TEC: variants seen among roughly 807,000 people sequenced by gnomAD.
TEC encodes the protein tec protein tyrosine kinase.
A neutral mutation model predicts 93.0 loss-of-function variants in TEC; 72 were observed. The observed-to-expected ratio is 0.77, with a 90% CI of 0.64 to 0.94. The LOEUF (loss-of-function observed/expected upper bound fraction) is 0.94, where lower values mean the gene tolerates loss of function less well. Among genes scored for constraint, TEC ranks in the 40% least tolerant of loss-of-function variants. The probability of loss-of-function intolerance (pLI) is 0.00; values close to 1 mark genes in which losing one functional copy is unlikely to be tolerated. For missense variants in TEC, 630 were observed against 757.9 expected (o/e 0.83, Z 1.98); for synonymous variants, 249 against 247.7 (o/e 1.01, Z -0.05).
intron 10 of TEC, among the ~76,000 whole-genome samples, chr4:48,150,131 T>C (rs1261778722): frequency 1.3e-5 from 2 of 152,206 alleles, no homozygotes; most frequent in African/African-American, 4.8e-5. Flanking sequence ...AAAAATACTT[T>C]CAAGATGACT....
At chr4:48,224,090 A>T (rs1723358071) in intron 2 of TEC, among the ~76,000 whole-genome samples, 1 of 152,276 alleles carries the variant, frequency 6.6e-6, no homozygotes, top group Non-Finnish European at 1.5e-5. Context: ...AGTATGACTC[A>T]ATGCTGAGTC....
rs116594180 is a variant in TEC at position 48,240,022 on chromosome 4, T to C, written c.-45-11363A>G. Among the ~76,000 whole-genome samples, 469 of 151,832 alleles carry C rather than the reference T, an allele frequency of 3.1e-3. 4 individuals carry two copies. Among genetic ancestry groups the C allele is most frequent in the African/African-American group, 0.011 (452 of 41,290 alleles). On this transcript the variant is annotated intron_variant, in intron 1 of 17. Transcript: ENST00000381501. The stretch of plus-strand genomic sequence containing the variant: ...TGTGTGTGTGATGGTATGGTGATTA[T>C]ATTTTTCAGAGTTCTTATCTTTTAA...
intron 2 of TEC, among the ~76,000 whole-genome samples, chr4:48,224,577 T>C (rs533279651): frequency 6.6e-6 from 1 of 152,282 alleles, no homozygotes; most frequent in South Asian, 2.1e-4. Context: ...TCAAATAATA[T>C]AAACTTCCAG....
At chr4:48,169,126 C>T (rs963497557) in intron 5 of TEC, among the ~76,000 whole-genome samples, 6 of 152,054 alleles carry the variant, frequency 3.9e-5, no homozygotes, top group Admixed American at 3.3e-4. Flanking sequence ...AGATCTCATC[C>T]CTAAAAGGAT....
chr4:48,245,457 C>T (rs1345133058), intron 1 of TEC, among the ~76,000 whole-genome samples: 1 of 152,126 alleles, frequency 6.6e-6, no homozygotes, highest in African/African-American at 2.4e-5. Context: ...TCACACAGTC[C>T]TTTAAAGCTT....
chr4:48,215,825 C>A lies in TEC; in HGVS notation c.138+12652G>T, dbSNP rs189486147. Among the ~76,000 whole-genome samples the A allele has an allele frequency of 2.9e-3, 443 of 152,250 alleles. 3 individuals are homozygous for A. Among genetic ancestry groups the A allele is most frequent in the Non-Finnish European group, 3.2e-3 (221 of 68,024 alleles). ...ACTGGGCAACCCAGACACATCCTTT[C>A]CAGAACTAAGGCAGTGCACTCAGAG... is the stretch of plus-strand genomic sequence containing the variant. On this transcript the variant is annotated intron_variant, in intron 2 of 17. Coordinates refer to ENST00000381501, the MANE Select transcript of TEC (RefSeq NM_003215.3).
chr4:48,218,821 C>T (rs73814699), intron 2 of TEC, among the ~76,000 whole-genome samples: 3,171 of 152,228 alleles, frequency 0.021, 47 homozygotes, highest in East Asian at 0.072. Context: ...CTCATGTCAT[C>T]GTACTTGTAA....
At chr4:48,199,686 C>T (rs993287388) in intron 2 of TEC, among the ~76,000 whole-genome samples, 1 of 151,930 alleles carries the variant, frequency 6.6e-6, no homozygotes, top group African/African-American at 2.4e-5. Flanking sequence ...CCAGGGTGGT[C>T]TCGAACTCCT....
At position 48,138,712 on chromosome 4, in the gene TEC, A is replaced by C. The variant is rs148361115; in HGVS notation, c.1765T>G (p.Leu589Val). ...ACCTCATACACATAGTTGGACGCCA[A>C]CTTCGGCTGGTAGAGTCGGTGGCCT... ...TRGHRLYQPKLASNYVYEVML... is the reference protein window; with the variant it reads ...TRGHRLYQPKVASNYVYEVML... The change falls in exon 17 of 18, where the codon TTG (leucine) becomes GTG (valine). Residue 589 changes from leucine to valine, a missense_variant. Transcript: ENST00000381501. 6.2e-7 allele frequency: 1 copy of C among 1,614,146 alleles called. No individual in the cohort carries two copies. The highest frequency in any genetic ancestry group is 8.5e-7 in the Non-Finnish European group (1 of 1,180,000).
At chr4:48,233,076 G>C (rs1022491314) in intron 1 of TEC, among the ~76,000 whole-genome samples, 1 of 152,134 alleles carries the variant, frequency 6.6e-6, no homozygotes, top group Non-Finnish European at 1.5e-5. Flanking sequence ...CTCTATCCTG[G>C]GAGAGACTAA....
rs977567894 is a variant in TEC at position 48,151,550 on chromosome 4, G to A, written c.793-608C>T. Among the ~76,000 whole-genome samples, 5 of 152,230 alleles carry A rather than the reference G, an allele frequency of 3.3e-5. No homozygotes were observed. In the South Asian group the frequency reaches 6.2e-4, roughly 19 times the overall value. ...TGCACAGGCTGGAGTGCAGTGGTGC[G>A]ATCTCAGCTCACTGCAATCTCCACT... On this transcript the variant is annotated intron_variant, in intron 9 of 17. Transcript: ENST00000381501.
chr4:48,153,674 C>G (rs182761356), intron 9 of TEC: 26 of 152,192 alleles, frequency 1.7e-4, no homozygotes, highest in African/African-American at 6.3e-4. Context: ...GAGTTAAAAA[C>G]AACAACAACA....
chr4:48,259,894 G>A (rs1419827457), intron 1 of TEC, among the ~76,000 whole-genome samples: 2 of 152,152 alleles, frequency 1.3e-5, no homozygotes, highest in African/African-American at 4.8e-5. Context: ...GGATAGGAAG[G>A]CTGGAGTTTC....
chr4:48,250,671 T>C (rs966074876), intron 1 of TEC, among the ~76,000 whole-genome samples: 1 of 151,962 alleles, frequency 6.6e-6, no homozygotes, highest in East Asian at 1.9e-4. Context: ...GAGAGCAGAG[T>C]TGATCCAAAC....
At chr4:48,140,064 G>C (rs955924857) in intron 15 of TEC, among the ~76,000 whole-genome samples, 2 of 152,222 alleles carry the variant, frequency 1.3e-5, no homozygotes, top group African/African-American at 4.8e-5. Flanking sequence ...CAAATATATA[G>C]TATCTGTATA....
intron 8 of TEC, among the ~76,000 whole-genome samples, chr4:48,159,806 G>C (rs1056607875): frequency 1.3e-5 from 2 of 152,142 alleles, no homozygotes; most frequent in African/African-American, 4.8e-5. Flanking sequence ...AGCACCCAAA[G>C]TATTGGGATT....
intron 1 of TEC, among the ~76,000 whole-genome samples, chr4:48,256,429 T>A (rs10013366): frequency 0.92 from 137,029 of 148,196 alleles, 64,140 homozygotes; most frequent in South Asian, 1. Context: ...ACAAAAAATT[T>A]AAAAAAAAAA....
At chr4:48,237,719 G>A (rs929504278) in intron 1 of TEC, among the ~76,000 whole-genome samples, 1 of 152,114 alleles carries the variant, frequency 6.6e-6, no homozygotes, top group African/African-American at 2.4e-5. Flanking sequence ...TTAATACTTG[G>A]TGATGTCCTC....
intron 1 of TEC, among the ~76,000 whole-genome samples, chr4:48,261,121 T>A (rs748635556): frequency 1.3e-5 from 2 of 152,184 alleles, no homozygotes; most frequent in Non-Finnish European, 2.9e-5. Context: ...CTAAAAAATG[T>A]CTTCTGGCTA....
Sources: gnomAD v4.1 joint callset for allele counts (sites outside exome capture counted in the v4.1 genomes callset) on GRCh38, gnomAD v4.1.1 for gene constraint, MANE v1.5 for transcripts, NCBI Gene and HGNC (gene_info 2026-07-23, HGNC 2026-07-21) for gene names.